CIAPIN1: variants seen among roughly 807,000 people sequenced by gnomAD.
CIAPIN1 encodes anamorsin.
A neutral mutation model predicts 34.3 loss-of-function variants in CIAPIN1; 18 were observed. The observed-to-expected ratio is 0.52, with a 90% CI of 0.36 to 0.78. The LOEUF is 0.78. Among genes scored for constraint, CIAPIN1 ranks in the 30% least tolerant of loss-of-function variants. The probability of loss-of-function intolerance (pLI) is 0.00; values close to 1 mark genes in which losing one functional copy is unlikely to be tolerated. For missense variants in CIAPIN1, 310 were observed against 372.5 expected, an observed-to-expected ratio of 0.83 and a Z score of 1.38; for synonymous variants, 131 against 140.4, an observed-to-expected ratio of 0.93 and a Z score of 0.47.
At chr16:57,444,981 C>T (rs2029997620) in intron 1 of CIAPIN1, among the ~76,000 whole-genome samples, 1 of 152,096 alleles carries the variant, frequency 6.6e-6, no homozygotes, top group Non-Finnish European at 1.5e-5. Context: ...TGTGCATGGC[C>T]CTTCTAAAAT....
At chr16:57,446,736 C>A (rs2030088354) in intron 1 of CIAPIN1, among the ~76,000 whole-genome samples, 1 of 152,176 alleles carries the variant, frequency 6.6e-6, no homozygotes, top group Non-Finnish European at 1.5e-5. Flanking sequence ...GATTCCTGGA[C>A]CACACCCAGA....
chr16:57,431,194 CA>C lies in CIAPIN1; in HGVS notation c.702del (p.Ala235LeufsTer32). On this transcript the variant is annotated frameshift_variant, in exon 7 of 9. Coordinates refer to ENST00000394391, the MANE Select transcript of CIAPIN1 (RefSeq NM_020313.4). LOFTEE classifies it high-confidence loss of function. ...CTCTTTTTCCCTTCCCCACAAGAAGCAGCCCGCAGGGAAGCTGGATCTGGCT... is the reference window on the plus strand; with the variant it reads ...CTCTTTTTCCCTTCCCCACAAGAAGCGCCCGCAGGGAAGCTGGATCTGGCT... ...LKKPDPASLRAASCGEGKKRK... is the reference protein window; with the variant it reads ...LKKPDPASLRXASCGEGKKRK... 6.2e-7 allele frequency: 1 copy of C among 1,613,832 alleles called. No homozygotes were observed. Among genetic ancestry groups the C allele is most frequent in the Admixed American group, 1.7e-5 (1 of 60,006 alleles).
chr16:57,438,352 T>C (rs1291210299), intron 3 of CIAPIN1, among the ~76,000 whole-genome samples: 1 of 152,172 alleles, frequency 6.6e-6, no homozygotes, highest in African/African-American at 2.4e-5. Context: ...TACCACATCA[T>C]TCCCAGGGTT....
At chr16:57,447,149 T>A (rs1240722169) in intron 1 of CIAPIN1, among the ~76,000 whole-genome samples, 193 bp downstream of exon 1, 2 of 152,176 alleles carry the variant, frequency 1.3e-5, no homozygotes, top group Non-Finnish European at 2.9e-5. Flanking sequence ...CCAGGGAGGT[T>A]AGGGCCGGCC....
chr16:57,436,317 T>C (rs2146563122), intron 4 of CIAPIN1, among the ~76,000 whole-genome samples: 1 of 152,198 alleles, frequency 6.6e-6, no homozygotes, highest in East Asian at 1.9e-4. Context: ...AAGCTCCGCC[T>C]CTCAGGTTGA....
At chr16:57,442,497 C>T (rs1218514310) in intron 1 of CIAPIN1, among the ~76,000 whole-genome samples, 7 of 151,860 alleles carry the variant, frequency 4.6e-5, no homozygotes, top group African/African-American at 1.7e-4. Context: ...CCCATCTCTA[C>T]TAAAAATACA....
chr16:57,432,518 A>T lies in CIAPIN1; in HGVS notation c.599T>A (p.Leu200His), dbSNP rs1162254095. 1 of 1,613,352 alleles carries T rather than the reference A, an allele frequency of 6.2e-7. No individual in the cohort carries two copies. Among genetic ancestry groups the T allele is most frequent in the Non-Finnish European group, 8.5e-7 (1 of 1,179,910 alleles). ...GTCGTCCTCCATATCGTTGGCTGAG[A>T]GGGTCCACAGCTTGGCAGCAGCAGG... Reference protein sequence around the residue: ...VDPAAAKLWTLSANDMEDDSM... With the variant: ...VDPAAAKLWTHSANDMEDDSM... The change falls in exon 6 of 9, where the codon CTC becomes CAC. Residue 200 changes from leucine to histidine, a missense_variant. By Grantham distance (99) the Leu-to-His change is moderately conservative. Coordinates refer to ENST00000394391, the MANE Select transcript of CIAPIN1 (RefSeq NM_020313.4).
chr16:57,431,371 A>C, intron 6 of CIAPIN1, 105 bp from the exon 7 acceptor site: 1 of 693,476 alleles, frequency 1.4e-6, no homozygotes, highest in South Asian at 1.8e-5. Context: ...AGGGTAAAGA[A>C]GGTGTCCACC....
chr16:57,432,600 G>C, intron 5 of CIAPIN1, 40 bp from the exon 6 acceptor site: 1 of 1,538,622 alleles, frequency 6.5e-7, no homozygotes, highest in Non-Finnish European at 9.0e-7. Context: ...CATAAACACA[G>C]TCAGAAACTA....
At chr16:57,444,256 C>T (rs1334874105) in intron 1 of CIAPIN1, among the ~76,000 whole-genome samples, 1 of 152,142 alleles carries the variant, frequency 6.6e-6, no homozygotes, top group Non-Finnish European at 1.5e-5. Flanking sequence ...GTTTTCTCAT[C>T]AGTAAAGTAG....
Position 57,432,559 on chromosome 16 carries a change from C to T in CIAPIN1, c.558G>A (p.Val186=), listed in dbSNP as rs1431505186. 2 of 1,612,068 alleles carry T rather than the reference C, an allele frequency of 1.2e-6. No individual in the cohort carries two copies. The highest frequency in any genetic ancestry group is 2.7e-5 in the African/African-American group (2 of 74,850). Residue 186 remains valine, a splice_region_variant and synonymous_variant, in exon 6 of 9, where the codon GTG becomes GTA. Transcript: ENST00000394391. ...LSITKKSSPS[V]KPAVDPAAAK... ...CAGCAGCAGGGTCCACAGCAGGTTT[C>T]ACTGAGTCCAAGCAATAAAAGAAAA...
intron 7 of CIAPIN1, 135 bp from the exon 8 acceptor site, chr16:57,430,474 G>T: frequency 1.4e-6 from 1 of 729,134 alleles, no homozygotes; most frequent in Non-Finnish European, 2.3e-6. Context: ...AGGCCAGGCA[G>T]ACAGCAGCAA....
intron 7 of CIAPIN1, chr16:57,430,760 C>A: frequency 4.3e-6 from 1 of 234,962 alleles, no homozygotes; most frequent in African/African-American, 2.2e-5. Context: ...TAACTTTCTA[C>A]AATCCTTCCC....
chr16:57,446,036 C>T (rs113757040), intron 1 of CIAPIN1, among the ~76,000 whole-genome samples: 9,702 of 151,748 alleles, frequency 0.064, 354 homozygotes, highest in African/African-American at 0.093. Context: ...TGTAGAGATG[C>T]GGTTTCGCCA....
At position 57,431,419 on chromosome 16, in the gene CIAPIN1, C is replaced by T. The variant is rs777780361; in HGVS notation, c.631-153G>A. The T allele has an allele frequency of 7.5e-6, 4 of 536,322 alleles. No individual in the cohort carries two copies. The Admixed American group carries it at 1.2e-4, about 17-fold the overall frequency. 33.2% of individuals were successfully genotyped at this position (536,322 alleles called of 1,614,324 possible). ...TGGTTGATCATCATGTTCAACCTGA[C>T]CACATGCTCAAGAGGCCAACGGTGA... On this transcript the variant is annotated intron_variant, in intron 6 of 8. Transcript: ENST00000394391.
chr16:57,447,288 G>C (rs191423425), intron 1 of CIAPIN1, 54 bp downstream of exon 1: 5,786 of 399,636 alleles, frequency 0.014, 71 homozygotes, highest in Middle Eastern at 0.033. Context: ...AGGGTGGGCC[G>C]GGAGGGGACA....
At chr16:57,431,120 C>A (rs369493830) in intron 7 of CIAPIN1, 31 bp downstream of exon 7, 2 of 1,376,930 alleles carry the variant, frequency 1.5e-6, no homozygotes, top group Non-Finnish European at 2.1e-6. Context: ...CTGGAGGCAG[C>A]ATGGCAGGCT....
In CIAPIN1 at chr16:57,439,266, T is replaced by C. The variant is rs1903272794; in HGVS notation, c.226A>G (p.Ser76Gly). ...GCGATTTCAGCCAAAATCTCAGCAC[T>C]GTGCAGAGTGGTGCTTCCTGGGACT... ...GLVPGSTTLHSAEILAEIARI... is the reference protein window; with the variant it reads ...GLVPGSTTLHGAEILAEIARI... Residue 76 changes from serine to glycine, a missense_variant, in exon 3 of 9, where the codon AGT becomes GGT. Coordinates refer to ENST00000394391, the MANE Select transcript of CIAPIN1 (RefSeq NM_020313.4). 4 of 1,614,054 alleles carry C rather than the reference T, an allele frequency of 2.5e-6. No individual in the cohort carries two copies. The South Asian group carries it at 4.4e-5, about 18-fold the overall frequency.
Position 57,439,242 on chromosome 16 carries a change from C to T in CIAPIN1, c.250G>A (p.Ala84Thr), listed in dbSNP as rs758660761. ...LHSAEILAEI[A>T]RILRPGGCLF... The stretch of plus-strand genomic sequence containing the variant: ...CATCCACCAGGCCGAAGGATCCGGG[C>T]GATTTCAGCCAAAATCTCAGCACTG... Residue 84 changes from alanine to threonine, a missense_variant, in exon 3 of 9, where the codon GCC (alanine) becomes ACC (threonine). Physicochemically the swap from Ala to Thr is moderately conservative, Grantham distance 58. Coordinates refer to ENST00000394391, the MANE Select transcript of CIAPIN1 (RefSeq NM_020313.4). 21 of 1,614,180 alleles carry T rather than the reference C, an allele frequency of 1.3e-5. No individual in the cohort carries two copies. Among genetic ancestry groups the T allele is most frequent in the Admixed American group, 1.2e-4 (7 of 60,016 alleles).
Sources: allele counts gnomAD v4.1 joint callset (sites outside exome capture counted in the v4.1 genomes callset), GRCh38; gene constraint gnomAD v4.1.1; transcripts MANE v1.5; gene names NCBI Gene and HGNC (gene_info 2026-07-23, HGNC 2026-07-21).